MARCO: variants seen among roughly 807,000 people sequenced by gnomAD.
MARCO encodes macrophage receptor MARCO.
In MARCO, 72 loss-of-function variants were observed where a neutral mutation model predicts 70.0. That is an observed-to-expected ratio of 1.03 (90% CI 0.85 to 1.25). MARCO has a LOEUF of 1.25. Ranked by LOEUF, MARCO falls within the 50% of genes most tolerant of loss-of-function variation. The pLI is 0.00. For missense variants in MARCO, 696 were observed against 659.3 expected (o/e 1.06, Z -0.61); for synonymous variants, 273 against 243.1 (o/e 1.12, Z -1.14).
chr2:118,981,417 G>C lies in MARCO; in HGVS notation c.775G>C (p.Gly259Arg). 6.3e-7 allele frequency: 1 copy of C among 1,599,390 alleles called. No individual in the cohort carries two copies. Among genetic ancestry groups the C allele is most frequent in the East Asian group, 2.2e-5 (1 of 44,830 alleles). Reference sequence around the variant, plus strand: ...ACTTTTTGGTTTTTCAGGAAGCAAAGGGGACAGGGGCATGAAAGGAGATGC... The same window carrying C: ...ACTTTTTGGTTTTTCAGGAAGCAAACGGGACAGGGGCATGAAAGGAGATGC... ...KGDLGLPGSK[G>R]DRGMKGDAGV... The change falls in exon 9 of 17, where the codon GGG becomes CGG. Residue 259 changes from glycine to arginine, a missense_variant. By Grantham distance (125) the Gly-to-Arg change is moderately radical. Coordinates refer to ENST00000327097, the MANE Select transcript of MARCO (RefSeq NM_006770.4).
At chr2:118,958,029 C>T (rs941247335) in intron 1 of MARCO, among the ~76,000 whole-genome samples, 6 of 152,074 alleles carry the variant, frequency 3.9e-5, no homozygotes, top group African/African-American at 1.2e-4. Context: ...CTATGACAAA[C>T]CCACAGACAA....
Position 118,992,764 on chromosome 2 carries a change from C to G in MARCO, c.1252+288C>G, listed in dbSNP as rs556804720. ...TCCTCCCCTTTCCCTTCTTTCTTTCCTCTCCATCCCTCCTTCCTTTCCCTC... is the reference window on the plus strand; with the variant it reads ...TCCTCCCCTTTCCCTTCTTTCTTTCGTCTCCATCCCTCCTTCCTTTCCCTC... On this transcript the variant is annotated intron_variant, in intron 15 of 16. Coordinates refer to ENST00000327097, the MANE Select transcript of MARCO (RefSeq NM_006770.4). Among the ~76,000 whole-genome samples, 214 of 151,266 alleles carry G rather than the reference C, an allele frequency of 1.4e-3. 1 individual carries two copies. The highest frequency in any genetic ancestry group is 2.6e-3 in the Non-Finnish European group (178 of 67,826).
intron 6 of MARCO, 151 bp from the exon 7 acceptor site, chr2:118,977,319 AG>A: frequency 4.1e-5 from 8 of 193,842 alleles, no homozygotes; most frequent in South Asian, 4.1e-4. Context: ...TGTGTGAAAA[AG>A]AGAGAGAGAG....
chr2:118,989,854 A>G (rs1207402039), intron 12 of MARCO, among the ~76,000 whole-genome samples: 1 of 152,246 alleles, frequency 6.6e-6, no homozygotes, highest in Admixed American at 6.5e-5. Context: ...GAAATAAAAT[A>G]AATATTGGCA....
chr2:118,991,270 T>C (rs1281568795), intron 13 of MARCO, among the ~76,000 whole-genome samples: 1 of 144,018 alleles, frequency 6.9e-6, no homozygotes, highest in Non-Finnish European at 1.5e-5. Context: ...TTTTTTTCAA[T>C]TTTTTTAGAG....
intron 1 of MARCO, chr2:118,952,687 C>T (rs1486973148): frequency 6.6e-6 from 1 of 152,216 alleles, no homozygotes; most frequent in Non-Finnish European, 1.5e-5. Context: ...TTTCTTTCTG[C>T]ATTGCTGAGA....
At chr2:118,981,355 G>C (rs1680384707) in intron 8 of MARCO, 54 bp from the exon 9 acceptor site, 1 of 1,140,698 alleles carries the variant, frequency 8.8e-7, no homozygotes, top group Non-Finnish European at 1.3e-6. Context: ...AGGAGGACAT[G>C]GTGGCCTGAT....
At chr2:118,960,868 A>G (rs571434144) in intron 1 of MARCO, among the ~76,000 whole-genome samples, 1 of 152,074 alleles carries the variant, frequency 6.6e-6, no homozygotes, top group Non-Finnish European at 1.5e-5. Context: ...TGCATGAGCT[A>G]TTATTCCTAA....
Position 118,965,058 on chromosome 2 carries a change from G to A in MARCO, c.98-4102G>A, listed in dbSNP as rs188496158. 1.0e-3 allele frequency among the ~76,000 whole-genome samples: 153 copies of A among 152,120 alleles called. No individual in the cohort carries two copies. In the Middle Eastern group the frequency reaches 0.01, roughly 10 times the overall value. On this transcript the variant is annotated intron_variant, in intron 1 of 16. Coordinates refer to ENST00000327097, the MANE Select transcript of MARCO (RefSeq NM_006770.4). ...ATTTCTTTGAGTTTATCATGTTTGC[G>A]ATTTTGGCAGTTTCTTTAATCTGTA... is the stretch of plus-strand genomic sequence containing the variant.
chr2:118,976,498 C>A (rs1457873702), intron 6 of MARCO, among the ~76,000 whole-genome samples: 1 of 152,100 alleles, frequency 6.6e-6, no homozygotes, highest in African/African-American at 2.4e-5. Flanking sequence ...ATAGTCTCAC[C>A]ATTTCTCTCC....
At chr2:118,961,065 G>A (rs940715827) in intron 1 of MARCO, among the ~76,000 whole-genome samples, 5 of 152,242 alleles carry the variant, frequency 3.3e-5, no homozygotes, top group Middle Eastern at 3.4e-3. Flanking sequence ...CAAAGGACAC[G>A]ATCTCATTCC....
At chr2:118,986,748 G>GAAAGAAAGAAAGAAAGAGAAAGAA in intron 12 of MARCO, among the ~76,000 whole-genome samples, 1 of 148,544 alleles carries the variant, frequency 6.7e-6, no homozygotes, top group African/African-American at 2.5e-5. Context: ...GAGAAAGAAA[G>GAAAGAAAGAAAGAAAGAGAAAGAA]AGAAAGAAAG....
At chr2:118,959,938 G>T (rs1349934303) in intron 1 of MARCO, among the ~76,000 whole-genome samples, 2 of 152,016 alleles carry the variant, frequency 1.3e-5, no homozygotes, top group Admixed American at 1.3e-4. Flanking sequence ...ATGATATAGT[G>T]GACTTTGGGG....
At chr2:118,951,303 G>A (rs1198101691) in intron 1 of MARCO, among the ~76,000 whole-genome samples, 2 of 152,214 alleles carry the variant, frequency 1.3e-5, no homozygotes, top group Admixed American at 1.3e-4. Context: ...CTAAGATTTA[G>A]ATCCCCGTTA....
chr2:118,994,553 G>GT lies in MARCO; in HGVS notation c.*34dup, dbSNP rs760196855. ...ACCCTTTCACTTCTCTGCTCCCGAG[G>GT]TGTCCTCGGGCTCATATGTGGGAAG... is the stretch of plus-strand genomic sequence containing the variant. On this transcript the variant is annotated 3_prime_UTR_variant, in exon 17 of 17. Transcript: ENST00000327097. The GT allele has an allele frequency of 1.3e-6, 2 of 1,538,758 alleles. No homozygotes were observed. The highest frequency in any genetic ancestry group is 1.4e-5 in the African/African-American group (1 of 72,642).
chr2:118,990,555 C>A, intron 12 of MARCO, 34 bp from the exon 13 acceptor site: 2 of 1,569,258 alleles, frequency 1.3e-6, no homozygotes, highest in Non-Finnish European at 1.7e-6. Context: ...GTTTTATTAT[C>A]TCCTCCCCCC....
chr2:118,981,510 A>G lies in MARCO; in HGVS notation c.865+3A>G. On this transcript the variant is annotated splice_donor_region_variant and intron_variant, in intron 9 of 16. Coordinates refer to ENST00000327097, the MANE Select transcript of MARCO (RefSeq NM_006770.4). ...CTTCGGGAGGCCAGGCCCACCAGGTAAGAGGGCACGTGGTCACATCCACTG... is the reference window on the plus strand; with the variant it reads ...CTTCGGGAGGCCAGGCCCACCAGGTGAGAGGGCACGTGGTCACATCCACTG... 1 of 1,602,230 alleles carries G rather than the reference A, an allele frequency of 6.2e-7. No homozygotes were observed. Among genetic ancestry groups the G allele is most frequent in the East Asian group, 2.2e-5 (1 of 44,776 alleles).
At chr2:118,978,978 C>A (rs998733534) in intron 8 of MARCO, among the ~76,000 whole-genome samples, 20 of 152,232 alleles carry the variant, frequency 1.3e-4, no homozygotes, top group Middle Eastern at 3.4e-3. Context: ...ATGAATTAAC[C>A]TCTCTTAGCC....
At chr2:118,949,283 A>G (rs1266028769) in intron 1 of MARCO, 1 of 152,242 alleles carries the variant, frequency 6.6e-6, no homozygotes, top group Non-Finnish European at 1.5e-5. Flanking sequence ...TACCTTGCAC[A>G]CAAGAGTAGC....
Sources: allele counts gnomAD v4.1 joint callset (sites outside exome capture counted in the v4.1 genomes callset), GRCh38; gene constraint gnomAD v4.1.1; transcripts MANE v1.5; gene names NCBI Gene and HGNC (gene_info 2026-07-23, HGNC 2026-07-21).